INPP5D: variants seen among roughly 807,000 people sequenced by gnomAD.
The protein encoded by INPP5D is inositol polyphosphate-5-phosphatase D, also known as phosphatidylinositol 3,4,5-trisphosphate 5-phosphatase 1.
INPP5D carries 33 observed loss-of-function variants against 122.9 expected under a neutral mutation model. That is an observed-to-expected ratio of 0.27 (90% CI 0.20 to 0.36). The LOEUF (loss-of-function observed/expected upper bound fraction) is 0.36, where lower values mean the gene tolerates loss of function less well. Ranked by LOEUF, INPP5D falls within the 10% of genes least tolerant of loss-of-function variation. The pLI, the probability that INPP5D is intolerant of heterozygous loss-of-function variation, is 1.00. For missense variants in INPP5D, 1,053 were observed against 1,412.7 expected, an observed-to-expected ratio of 0.75 and a Z score of 4.08; for synonymous variants, 584 against 576.2, an observed-to-expected ratio of 1.01 and a Z score of -0.19.
intron 9 of INPP5D, among the ~76,000 whole-genome samples, chr2:233,150,345 T>C (rs549377239): frequency 1.3e-5 from 2 of 152,350 alleles, no homozygotes; most frequent in Admixed American, 6.5e-5. Flanking sequence ...CCTGCCACCA[T>C]GTAAGACGTG....
intron 17 of INPP5D, among the ~76,000 whole-genome samples, chr2:233,172,016 G>A (rs1378045108): frequency 6.6e-6 from 1 of 152,256 alleles, no homozygotes; most frequent in East Asian, 1.9e-4. Flanking sequence ...GGAAGGCCAA[G>A]CGCTGGGTGG....
At chr2:233,187,666 G>A (rs542730775) in intron 21 of INPP5D, among the ~76,000 whole-genome samples, 10 of 152,284 alleles carry the variant, frequency 6.6e-5, no homozygotes, top group African/African-American at 2.2e-4. Context: ...CAGAGGCTGC[G>A]GCCAGCTCAC....
At chr2:233,114,557 T>G (rs1692729909) in intron 2 of INPP5D, among the ~76,000 whole-genome samples, 1 of 152,070 alleles carries the variant, frequency 6.6e-6, no homozygotes, top group South Asian at 2.1e-4. Flanking sequence ...ACTCAAAGGC[T>G]CGGCCTGCAC....
At position 233,060,669 on chromosome 2, in the gene INPP5D, G is replaced by A. The variant is rs1053153657; in HGVS notation, c.134+57G>A. On this transcript the variant is annotated intron_variant, in intron 1 of 26. Coordinates refer to ENST00000445964, the MANE Select transcript of INPP5D (RefSeq NM_001017915.3). ...GATATGACAGAGGGGCTTAGAGGGG[G>A]CCCAGCTTTGAGATGGGTTGTTCTT... 13 of 1,599,494 alleles carry A rather than the reference G, an allele frequency of 8.1e-6. No homozygotes were observed. In the East Asian group the frequency reaches 2.9e-4, roughly 36 times the overall value.
chr2:233,163,030 G>A (rs1476033435), intron 11 of INPP5D, among the ~76,000 whole-genome samples: 1 of 152,206 alleles, frequency 6.6e-6, no homozygotes, highest in Non-Finnish European at 1.5e-5. Context: ...CCCACTTTGA[G>A]CCTCTTGGGG....
At chr2:233,140,063 C>T (rs1005068854) in intron 6 of INPP5D, 134 bp downstream of exon 6, 118 of 389,338 alleles carry the variant, frequency 3.0e-4, no homozygotes, top group East Asian at 5.1e-4. Flanking sequence ...CAAGCAGGTA[C>T]GCATGGGTTG....
At position 233,161,810 on chromosome 2, in the gene INPP5D, C is replaced by T. The variant is rs534405290; in HGVS notation, c.1224C>T (p.Ile408=). The part of the protein sequence containing the change: ...QPEPDMITIF[I]GTWNMGNAPP... ...AGCCCGACATGATCACCATCTTCAT[C>T]GGCACCTGGAACATGGGTGGGTCCG... Residue 408 remains isoleucine (I), a synonymous_variant, in exon 11 of 27, where the codon ATC becomes ATT. Transcript: ENST00000445964. The T allele has an allele frequency of 9.9e-6, 16 of 1,613,472 alleles. No individual in the cohort carries two copies. The East Asian group carries it at 1.3e-4, about 13-fold the overall frequency.
intron 2 of INPP5D, among the ~76,000 whole-genome samples, chr2:233,109,363 C>T (rs976732810): frequency 9.3e-4 from 141 of 152,338 alleles, no homozygotes; most frequent in African/African-American, 3.3e-3. Context: ...GCAGTCACCT[C>T]ACCCTCGTCT....
chr2:233,131,654 C>T (rs1214219785), intron 5 of INPP5D, among the ~76,000 whole-genome samples: 1 of 152,120 alleles, frequency 6.6e-6, no homozygotes, highest in East Asian at 1.9e-4. Context: ...GAGCCGAGAT[C>T]TCGCCACTGC....
At chr2:233,138,790 G>A (rs1301238943) in intron 5 of INPP5D, among the ~76,000 whole-genome samples, 1 of 151,906 alleles carries the variant, frequency 6.6e-6, no homozygotes, top group African/African-American at 2.4e-5. Context: ...CTGTCGCCCA[G>A]GCTGGAGTGC....
At chr2:233,136,866 G>A (rs911516599) in intron 5 of INPP5D, among the ~76,000 whole-genome samples, 3 of 152,214 alleles carry the variant, frequency 2.0e-5, no homozygotes, top group Admixed American at 6.5e-5. Flanking sequence ...TTAATAATCT[G>A]CATTAAAGAT....
intron 5 of INPP5D, among the ~76,000 whole-genome samples, chr2:233,137,260 A>G (rs1693487392): frequency 6.6e-6 from 1 of 152,132 alleles, no homozygotes. Flanking sequence ...ACAAAAAGAA[A>G]GCACTGTAAT....
intron 22 of INPP5D, among the ~76,000 whole-genome samples, chr2:233,191,590 G>A (rs1402932101): frequency 6.6e-6 from 1 of 152,202 alleles, no homozygotes; most frequent in Non-Finnish European, 1.5e-5. Flanking sequence ...GGGTCAAGGA[G>A]AGGGTGTGGT....
At chr2:233,114,885 T>C (rs139271555) in intron 2 of INPP5D, among the ~76,000 whole-genome samples, 5,871 of 149,248 alleles carry the variant, frequency 0.039, 155 homozygotes, top group African/African-American at 0.071. Flanking sequence ...TTTTTTTTTT[T>C]AGACAGAGTT....
intron 2 of INPP5D, among the ~76,000 whole-genome samples, chr2:233,111,352 ACACACACACACACG>A (rs1559297348): frequency 6.8e-6 from 1 of 147,744 alleles, no homozygotes; most frequent in African/African-American, 2.7e-5. Flanking sequence ...TAACTTTTAT[ACACACACACACACG>A]CACACACACA....
At position 233,177,459 on chromosome 2, in the gene INPP5D, A is replaced by G; in HGVS notation, c.2071+113A>G. 6.4e-7 allele frequency: 1 copy of G among 1,558,364 alleles called. No individual in the cohort carries two copies. The highest frequency in any genetic ancestry group is 8.8e-7 in the Non-Finnish European group (1 of 1,141,056). ...AGTCTGTTGATGTGTCAAAGGGAGG[A>G]ATTCACTGTAACCCTAATCAGGCGA... On this transcript the variant is annotated intron_variant, in intron 18 of 26. Transcript: ENST00000445964. The surrounding 1 kb of genome is among the most constrained non-coding windows in gnomAD (Gnocchi z 4.2).
At chr2:233,092,308 G>T (rs938941360) in intron 2 of INPP5D, among the ~76,000 whole-genome samples, 1 of 152,214 alleles carries the variant, frequency 6.6e-6, no homozygotes, top group Non-Finnish European at 1.5e-5. Flanking sequence ...GTCTTCCCCA[G>T]AGTACCTCAA....
chr2:233,165,492 G>A (rs1694307738), intron 13 of INPP5D, among the ~76,000 whole-genome samples: 1 of 151,814 alleles, frequency 6.6e-6, no homozygotes, highest in South Asian at 2.1e-4. Flanking sequence ...GTGTATTTAT[G>A]TGAGTCTATG....
intron 18 of INPP5D, among the ~76,000 whole-genome samples, chr2:233,178,906 C>T (rs894149505): frequency 6.6e-6 from 1 of 152,172 alleles, no homozygotes; most frequent in Admixed American, 6.5e-5. Flanking sequence ...CTTTGTGGCT[C>T]CCACTCTGTC....
Sources: allele counts gnomAD v4.1 joint callset (sites outside exome capture counted in the v4.1 genomes callset), GRCh38; gene constraint gnomAD v4.1.1; non-coding constraint Gnocchi (gnomAD v3.1); transcripts MANE v1.5; gene names NCBI Gene and HGNC (gene_info 2026-07-23, HGNC 2026-07-21).